ZNF385D: variants seen among roughly 807,000 people sequenced by gnomAD.
The protein encoded by ZNF385D is zinc finger protein 385D.
Under a neutral mutation model 35.8 loss-of-function variants are expected in ZNF385D, and 15 were observed. The observed-to-expected ratio is 0.42, with a 90% CI of 0.28 to 0.64. The LOEUF is 0.64. ZNF385D is among the 30% of genes least tolerant of loss of function. The pLI, the probability that ZNF385D is intolerant of heterozygous loss-of-function variation, is 0.23. For missense variants in ZNF385D, 474 were observed against 494.6 expected (o/e 0.96, Z 0.39); for synonymous variants, 212 against 186.8 (o/e 1.13, Z -1.10).
rs150044306 is a variant in ZNF385D, at chr3:22,189,033, C to G, written c.107-19998G>C. Among the ~76,000 whole-genome samples the G allele has an allele frequency of 1.1e-3, 165 of 144,060 alleles. 1 individual carries two copies. The highest frequency in any genetic ancestry group is 3.8e-3 in the African/African-American group (156 of 40,926). The allele number at this position is 144,060 out of a possible 152,430, so 94.5% of individuals were successfully genotyped here. A position where few individuals can be genotyped will look rare whatever the true frequency, so the allele number is the denominator to read the frequency against. On this transcript the variant is annotated intron_variant, in intron 2 of 5. Transcript: ENST00000494108. ...CAGCCTCCTAGGCTTAGCAGAAAAA[C>G]CAGCATTTTTTTTTCTCTTCATTAG...
At chr3:21,697,953 T>C (rs1220808386) in intron 1 of ZNF385D, among the ~76,000 whole-genome samples, 1 of 152,126 alleles carries the variant, frequency 6.6e-6, no homozygotes, top group Non-Finnish European at 1.5e-5. Context: ...AACCAACAGA[T>C]ATCGTCATGG....
At chr3:21,444,378 C>A (rs1484374202) in intron 4 of ZNF385D, among the ~76,000 whole-genome samples, 2 of 106,350 alleles carry the variant, frequency 1.9e-5, no homozygotes, top group South Asian at 3.8e-4. Flanking sequence ...CAGCACCCGG[C>A]CTTTTTTTGT....
chr3:22,019,444 T>A (rs889008063), intron 3 of ZNF385D, among the ~76,000 whole-genome samples: 5 of 151,962 alleles, frequency 3.3e-5, no homozygotes, highest in African/African-American at 1.2e-4. Flanking sequence ...CATATAGTAA[T>A]TGTTAAATTT....
At chr3:21,977,328 C>CA (rs59271781) in intron 3 of ZNF385D, among the ~76,000 whole-genome samples, 7 of 151,322 alleles carry the variant, frequency 4.6e-5, no homozygotes, top group African/African-American at 9.7e-5. Context: ...TTTCAATTAA[C>CA]AAAAAAAAAT....
At position 21,938,138 on chromosome 3, in the gene ZNF385D, T is replaced by C. The variant is rs991381532; in HGVS notation, c.325+230679A>G. 3.9e-5 allele frequency among the ~76,000 whole-genome samples: 6 copies of C among 152,252 alleles called. No homozygotes were observed. The East Asian group carries it at 9.6e-4, about 24-fold the overall frequency. ...TAGAATTTCATTTTTGATGTAATTT[T>C]ATTTCTTCACCAAACTAGGATTTGT... On this transcript the variant is annotated intron_variant, in intron 3 of 5. Transcript: ENST00000494108.
At chr3:21,952,050 G>C (rs912542191) in intron 3 of ZNF385D, among the ~76,000 whole-genome samples, 7 of 151,700 alleles carry the variant, frequency 4.6e-5, no homozygotes, top group Non-Finnish European at 1.0e-4. Context: ...CTTGAGCAAA[G>C]AACAATGGGA....
chr3:22,091,426 C>A (rs967703934), intron 3 of ZNF385D, among the ~76,000 whole-genome samples: 1 of 152,120 alleles, frequency 6.6e-6, no homozygotes, highest in East Asian at 1.9e-4. Flanking sequence ...AAAGATAGCA[C>A]ATAATCATCA....
At chr3:22,159,866 A>G (rs1392051915) in intron 3 of ZNF385D, among the ~76,000 whole-genome samples, 1 of 152,068 alleles carries the variant, frequency 6.6e-6, no homozygotes, top group East Asian at 1.9e-4. Flanking sequence ...GGTCGGTAAG[A>G]GAAAAGTATG....
intron 3 of ZNF385D, among the ~76,000 whole-genome samples, chr3:21,813,076 C>A (rs1419715477): frequency 6.6e-6 from 1 of 152,154 alleles, no homozygotes; most frequent in Non-Finnish European, 1.5e-5. Context: ...GATACCCAGG[C>A]AAACAGGGTC....
At chr3:21,619,927 A>C (rs887673092) in intron 2 of ZNF385D, among the ~76,000 whole-genome samples, 10 of 152,170 alleles carry the variant, frequency 6.6e-5, no homozygotes, top group Non-Finnish European at 1.5e-4. Flanking sequence ...CAGCAGCCAC[A>C]TTACACCCTG....
At chr3:21,505,096 A>G (rs962907316) in intron 4 of ZNF385D, among the ~76,000 whole-genome samples, 2 of 152,190 alleles carry the variant, frequency 1.3e-5, no homozygotes, top group Non-Finnish European at 2.9e-5. Context: ...TAGGAGAGGA[A>G]AAGACAACTA....
chr3:21,637,204 T>C (rs773970433), intron 2 of ZNF385D, among the ~76,000 whole-genome samples: 13 of 152,082 alleles, frequency 8.5e-5, no homozygotes, highest in Non-Finnish European at 1.6e-4. Flanking sequence ...TTTTTCCTGA[T>C]ATTAACTTAC....
intron 3 of ZNF385D, among the ~76,000 whole-genome samples, chr3:22,091,240 T>C (rs1376605034): frequency 2.0e-5 from 3 of 152,130 alleles, no homozygotes; most frequent in Non-Finnish European, 2.9e-5. Context: ...TAGATGGAGA[T>C]ACCAGAGCCT....
chr3:22,246,897 T>G lies in ZNF385D; in HGVS notation c.107-77862A>C, dbSNP rs530467926. Among the ~76,000 whole-genome samples, 8 of 152,288 alleles carry G rather than the reference T, an allele frequency of 5.3e-5. No homozygotes were observed. The East Asian group carries it at 1.5e-3, about 29-fold the overall frequency. On this transcript the variant is annotated intron_variant, in intron 2 of 5. Transcript: ENST00000494108. ...CAATGATTTTTCAGAACATTCTCTG[T>G]GTAGATATGTAGGTAGCATATATTA...
intron 2 of ZNF385D, among the ~76,000 whole-genome samples, chr3:22,223,407 T>A (rs1000358564): frequency 6.6e-6 from 1 of 152,102 alleles, no homozygotes; most frequent in African/African-American, 2.4e-5. Context: ...ATGAAATAAA[T>A]CTTTATTTCT....
chr3:22,277,677 A>G (rs1015529443), intron 2 of ZNF385D, among the ~76,000 whole-genome samples: 1 of 152,132 alleles, frequency 6.6e-6, no homozygotes, highest in Non-Finnish European at 1.5e-5. Context: ...AGTTAGCACA[A>G]ATGTTTTTTA....
intron 3 of ZNF385D, among the ~76,000 whole-genome samples, chr3:21,816,710 C>T (rs968089387): frequency 6.6e-6 from 1 of 152,120 alleles, no homozygotes; most frequent in African/African-American, 2.4e-5. Context: ...GAAGAACATT[C>T]CATGCTCATA....
intron 3 of ZNF385D, among the ~76,000 whole-genome samples, chr3:21,842,222 C>G (rs1212522006): frequency 6.6e-6 from 1 of 151,910 alleles, no homozygotes; most frequent in Non-Finnish European, 1.5e-5. Context: ...CTGCTCTGCT[C>G]TGAATCCCAG....
intron 3 of ZNF385D, chr3:21,942,418 G>A (rs1214487459): frequency 1.3e-5 from 2 of 152,142 alleles, no homozygotes; most frequent in African/African-American, 4.8e-5. Flanking sequence ...AGAATGTAAG[G>A]ACTCATCCTT....
Sources: allele counts gnomAD v4.1 joint callset (sites outside exome capture counted in the v4.1 genomes callset), GRCh38; gene constraint gnomAD v4.1.1; transcripts MANE v1.5; gene names NCBI Gene and HGNC (gene_info 2026-07-23, HGNC 2026-07-21).